Variants in BABAM2 observed in about 807,000 individuals in gnomAD.
BABAM2 encodes the protein BRISC and BRCA1 A complex member 2, also known as BRISC and BRCA1-A complex member 2.
BABAM2 carries 31 observed loss-of-function variants against 54.7 expected under a neutral mutation model. The ratio of observed to expected loss-of-function variants is 0.57; its 90% confidence interval spans 0.43 to 0.77. BABAM2 has a LOEUF of 0.77. Among genes scored for constraint, BABAM2 ranks in the 30% least tolerant of loss-of-function variants. BABAM2 has a pLI of 0.00. For synonymous variants in BABAM2, 167 were observed against 162.9 expected (o/e 1.03, Z -0.19); for missense variants, 364 against 455.8 (o/e 0.80, Z 1.83).
intron 10 of BABAM2, among the ~76,000 whole-genome samples, chr2:28,292,136 G>A (rs539100778): frequency 1.3e-5 from 2 of 152,266 alleles, no homozygotes; most frequent in South Asian, 2.1e-4. Flanking sequence ...CTTCCCTGCC[G>A]ACCCAAGATA....
chr2:28,257,450 T>C (rs573784968), intron 10 of BABAM2, among the ~76,000 whole-genome samples: 1 of 152,324 alleles, frequency 6.6e-6, no homozygotes, highest in South Asian at 2.1e-4. Flanking sequence ...TAGCATAACG[T>C]TTTTGAGATC....
At chr2:28,200,612 T>A (rs1045593750) in intron 7 of BABAM2, among the ~76,000 whole-genome samples, 6 of 152,220 alleles carry the variant, frequency 3.9e-5, no homozygotes, top group Admixed American at 2.6e-4. Context: ...AACTTTCTCT[T>A]GCTCCCTTGA....
intron 7 of BABAM2, among the ~76,000 whole-genome samples, chr2:28,230,806 TATGA>T (rs1681317827): frequency 6.6e-6 from 1 of 152,076 alleles, no homozygotes; most frequent in African/African-American, 2.4e-5. Flanking sequence ...TTTTCAGAAC[TATGA>T]ATGATTTTTT....
intron 5 of BABAM2, among the ~76,000 whole-genome samples, chr2:28,028,390 C>T (rs926637939): frequency 1.3e-5 from 2 of 151,802 alleles, no homozygotes; most frequent in African/African-American, 4.8e-5. Context: ...TCCCAACACA[C>T]CTACACCCCC....
chr2:28,146,128 G>A (rs1460970901), intron 7 of BABAM2, among the ~76,000 whole-genome samples: 1 of 152,086 alleles, frequency 6.6e-6, no homozygotes, highest in Non-Finnish European at 1.5e-5. Context: ...TTTTTAAGTT[G>A]CTTTATTTTT....
chr2:28,306,963 TG>T (rs1455229903), intron 11 of BABAM2, among the ~76,000 whole-genome samples: 1 of 144,036 alleles, frequency 6.9e-6, no homozygotes, highest in Non-Finnish European at 1.5e-5. Context: ...CCCAAAGTGC[TG>T]GGATTACAGG....
intron 5 of BABAM2, among the ~76,000 whole-genome samples, chr2:28,026,834 A>G (rs1483139935): frequency 8.7e-5 from 4 of 45,964 alleles, no homozygotes; most frequent in African/African-American, 3.3e-4. Context: ...ATATATATAA[A>G]TATATATAAA....
intron 2 of BABAM2, among the ~76,000 whole-genome samples, chr2:27,908,286 A>G (rs1385847892): frequency 1.3e-5 from 2 of 151,198 alleles, no homozygotes; most frequent in African/African-American, 2.4e-5. Context: ...TTTTTGAGCT[A>G]TGGTCTCACG....
At chr2:28,121,298 C>T (rs1669045418) in intron 6 of BABAM2, among the ~76,000 whole-genome samples, 1 of 152,184 alleles carries the variant, frequency 6.6e-6, no homozygotes, top group Admixed American at 6.5e-5. Context: ...TTCCCTGGCT[C>T]TTGTACATTT....
chr2:27,999,336 A>G (rs1256047302), intron 4 of BABAM2, among the ~76,000 whole-genome samples: 2 of 152,010 alleles, frequency 1.3e-5, no homozygotes, highest in Admixed American at 6.6e-5. Flanking sequence ...CAGGAGTAGG[A>G]TTTAGAAGGC....
chr2:28,180,128 T>C (rs1381876608), intron 7 of BABAM2, among the ~76,000 whole-genome samples: 2 of 152,102 alleles, frequency 1.3e-5, no homozygotes, highest in African/African-American at 2.4e-5. Flanking sequence ...CTAAAATTCA[T>C]GTGGAACCAA....
At chr2:28,327,564 A>C (rs1690582897) in intron 11 of BABAM2, 2 of 1,227,312 alleles carry the variant, frequency 1.6e-6, no homozygotes, top group East Asian at 5.2e-5. Context: ...ACGGCATTTG[A>C]TTTAATTCAA....
At position 28,275,931 on chromosome 2, in the gene BABAM2, T is replaced by C. The variant is rs182937452; in HGVS notation, c.935-22407T>C. The stretch of plus-strand genomic sequence containing the variant: ...TCACAACCCCTGCCCATGTGAGAGG[T>C]TAGGAGTAAATCATATGTTTTTTAA... On this transcript the variant is annotated intron_variant, in intron 10 of 11. Transcript: ENST00000379624. Among the ~76,000 whole-genome samples, 37 of 151,936 alleles carry C rather than the reference T, an allele frequency of 2.4e-4. No individual in the cohort carries two copies. The East Asian group carries it at 7.0e-3, about 29-fold the overall frequency.
At chr2:28,144,656 G>A (rs1198361089) in intron 7 of BABAM2, among the ~76,000 whole-genome samples, 1 of 152,188 alleles carries the variant, frequency 6.6e-6, no homozygotes, top group African/African-American at 2.4e-5. Context: ...ACCGGCCATG[G>A]CAGTGATACG....
chr2:28,158,637 C>T (rs1672775043), intron 7 of BABAM2, among the ~76,000 whole-genome samples: 1 of 152,216 alleles, frequency 6.6e-6, no homozygotes, highest in Admixed American at 6.5e-5. Flanking sequence ...CTGTTTGTCT[C>T]TTTCATTGTT....
At chr2:27,945,204 A>G (rs1669209057) in intron 3 of BABAM2, among the ~76,000 whole-genome samples, 1 of 151,448 alleles carries the variant, frequency 6.6e-6, no homozygotes, top group South Asian at 2.1e-4. Context: ...TTTTTATTTT[A>G]TTTTTGTAGA....
At chr2:27,911,170 A>G (rs2016616) in intron 2 of BABAM2, among the ~76,000 whole-genome samples, 97,940 of 151,948 alleles carry the variant, frequency 0.64, 33,520 homozygotes, top group Middle Eastern at 0.8. Flanking sequence ...TCTTTCTTTT[A>G]TAAACTACCC....
chr2:28,197,458 C>CA (rs1677725677), intron 7 of BABAM2, among the ~76,000 whole-genome samples: 1 of 152,088 alleles, frequency 6.6e-6, no homozygotes, highest in African/African-American at 2.4e-5. Context: ...TTAAAAGTAC[C>CA]AAAAACACTT....
chr2:28,047,618 C>A (rs781017787), intron 6 of BABAM2, among the ~76,000 whole-genome samples: 9 of 152,104 alleles, frequency 5.9e-5, no homozygotes, highest in Admixed American at 2.0e-4. Context: ...TTTAAGAATT[C>A]TAACTTTATA....
Sources: gnomAD v4.1 joint callset for allele counts (sites outside exome capture counted in the v4.1 genomes callset) on GRCh38, gnomAD v4.1.1 for gene constraint, MANE v1.5 for transcripts, NCBI Gene and HGNC (gene_info 2026-07-23, HGNC 2026-07-21) for gene names.